The following GCFC2 variants were observed in gnomAD, a reference collection of about 807,000 sequenced individuals.
The protein encoded by GCFC2 is intron Large complex component GCFC2.
Under a neutral mutation model 99.4 loss-of-function variants are expected in GCFC2, and 102 were observed. That is an observed-to-expected ratio of 1.03 (90% CI 0.87 to 1.21). The LOEUF is 1.21. Ranked by LOEUF, GCFC2 falls within the 50% of genes most tolerant of loss-of-function variation. The probability of loss-of-function intolerance (pLI) is 0.00; values close to 1 mark genes in which losing one functional copy is unlikely to be tolerated. For missense variants in GCFC2, 973 were observed against 920.9 expected, an observed-to-expected ratio of 1.06 and a Z score of -0.73; for synonymous variants, 338 against 316.8, an observed-to-expected ratio of 1.07 and a Z score of -0.71.
chr2:75,675,806 G>A (rs1679311255), intron 12 of GCFC2, among the ~76,000 whole-genome samples: 1 of 150,280 alleles, frequency 6.7e-6, no homozygotes, highest in South Asian at 2.1e-4. Flanking sequence ...TTTTAAAACC[G>A]TGAGATATTA....
chr2:75,665,107 G>C (rs1051938735), intron 16 of GCFC2, among the ~76,000 whole-genome samples: 1 of 152,040 alleles, frequency 6.6e-6, no homozygotes, highest in African/African-American at 2.4e-5. Flanking sequence ...GCAATGGTGG[G>C]AGTATATTCA....
At chr2:75,706,761 T>C (rs572403897) in intron 1 of GCFC2, 110 bp from the exon 2 acceptor site, 21 of 618,336 alleles carry the variant, frequency 3.4e-5, no homozygotes, top group African/African-American at 3.1e-4. Context: ...TTAATCCTAG[T>C]CCATATATTA....
rs944239147 is a variant in GCFC2 at position 75,690,180 on chromosome 2, T to C, written c.1227-99A>G. On this transcript the variant is annotated intron_variant, in intron 8 of 16. Transcript: ENST00000321027. ...TTAACCTCTTGCTGAAAATAAGTAATTTTATCATTTATTTTAAATGGCCAG... is the reference window on the plus strand; with the variant it reads ...TTAACCTCTTGCTGAAAATAAGTAACTTTATCATTTATTTTAAATGGCCAG... The C allele has an allele frequency of 5.2e-5, 36 of 690,420 alleles. No homozygotes were observed. In the Admixed American group the frequency reaches 8.6e-4, roughly 16 times the overall value. The allele number at this position is 690,420 out of a possible 1,614,324, so 42.8% of individuals were successfully genotyped here. A position where few individuals can be genotyped will look rare whatever the true frequency, so the allele number is the denominator to read the frequency against.
At position 75,702,370 on chromosome 2, in the gene GCFC2, C is replaced by A; in HGVS notation, c.448G>T (p.Ala150Ser). ...GAAATATAGTCATCTTGGGCCCTGG[C>A]CAATTCACGTTTTCTGCGGGCTGCC... ...IQAARRKREL[A>S]RAQDDYISLD... The change falls in exon 3 of 17, where the codon GCC (alanine) becomes TCC (serine). Residue 150 changes from alanine to serine, a missense_variant. By Grantham distance (99) the Ala-to-Ser change is moderately conservative (BLOSUM62 1). Transcript: ENST00000321027. The A allele has an allele frequency of 1.2e-6, 2 of 1,612,162 alleles. No homozygotes were observed. Among genetic ancestry groups the A allele is most frequent in the Non-Finnish European group, 1.7e-6 (2 of 1,178,222 alleles).
At chr2:75,665,371 C>T (rs1020777191) in intron 16 of GCFC2, among the ~76,000 whole-genome samples, 8 of 152,072 alleles carry the variant, frequency 5.3e-5, no homozygotes, top group African/African-American at 1.9e-4. Flanking sequence ...CCAGGCTGTT[C>T]TCAAACTCCT....
At chr2:75,689,338 A>G in intron 9 of GCFC2, 113 bp from the exon 10 acceptor site, 1 of 575,016 alleles carries the variant, frequency 1.7e-6, no homozygotes, top group Non-Finnish European at 3.0e-6. Context: ...TTGTCCTTTT[A>G]TATTAATATA....
At chr2:75,703,086 A>AT (rs1001253840) in intron 2 of GCFC2, among the ~76,000 whole-genome samples, 5 of 151,970 alleles carry the variant, frequency 3.3e-5, no homozygotes, top group Non-Finnish European at 7.4e-5. Context: ...AGAGAGTCTT[A>AT]TTTTTTTTCT....
At chr2:75,704,833 G>A (rs1403896396) in intron 2 of GCFC2, among the ~76,000 whole-genome samples, 2 of 152,016 alleles carry the variant, frequency 1.3e-5, no homozygotes, top group Non-Finnish European at 2.9e-5. Context: ...ATGCCACCAT[G>A]CCTGGCTAAT....
chr2:75,688,395 T>C (rs1373232310), intron 10 of GCFC2, among the ~76,000 whole-genome samples: 1 of 152,198 alleles, frequency 6.6e-6, no homozygotes, highest in Non-Finnish European at 1.5e-5. Flanking sequence ...TAAGCATAAA[T>C]ATGTAATTTG....
chr2:75,681,239 T>G (rs1679562128), intron 11 of GCFC2, among the ~76,000 whole-genome samples: 1 of 152,076 alleles, frequency 6.6e-6, no homozygotes, highest in South Asian at 2.1e-4. Context: ...CCAGTTCATC[T>G]CATTGGGCCT....
At chr2:75,680,010 AT>A (rs76432157) in intron 12 of GCFC2, among the ~76,000 whole-genome samples, 182 bp downstream of exon 12, 8,878 of 151,852 alleles carry the variant, frequency 0.058, 478 homozygotes, top group East Asian at 0.15. Context: ...AGTTTAAAAA[AT>A]TTTTTTTTCA....
chr2:75,675,697 T>C (rs1020004368), intron 12 of GCFC2, among the ~76,000 whole-genome samples: 5 of 145,784 alleles, frequency 3.4e-5, no homozygotes, highest in Non-Finnish European at 5.9e-5. Flanking sequence ...TGAGCTGAGA[T>C]TGCACCACTG....
intron 13 of GCFC2, among the ~76,000 whole-genome samples, chr2:75,673,121 T>A (rs947701848): frequency 6.6e-6 from 1 of 151,734 alleles, no homozygotes; most frequent in Non-Finnish European, 1.5e-5. Flanking sequence ...CCATCCTGGC[T>A]AACATGGTGA....
At chr2:75,698,656 GA>G (rs1164516608) in intron 4 of GCFC2, among the ~76,000 whole-genome samples, 1 of 152,082 alleles carries the variant, frequency 6.6e-6, no homozygotes, top group Non-Finnish European at 1.5e-5. Context: ...ATTTTTTAGG[GA>G]AAAACCGTAA....
At chr2:75,666,136 G>T in intron 15 of GCFC2, 83 bp from the exon 16 acceptor site, 3 of 971,496 alleles carry the variant, frequency 3.1e-6, no homozygotes, top group African/African-American at 1.7e-5. Flanking sequence ...GATACTGTAA[G>T]CTGAGTATCA....
At chr2:75,675,142 T>C (rs558604650) in intron 12 of GCFC2, among the ~76,000 whole-genome samples, 14 of 152,336 alleles carry the variant, frequency 9.2e-5, no homozygotes, top group Admixed American at 6.5e-4. Context: ...AGGACATTAT[T>C]GAATCAACTG....
rs1367111701 is a variant in GCFC2, at chr2:75,687,927, T to C, written c.1590A>G (p.Glu530=). The C allele has an allele frequency of 6.2e-6, 10 of 1,602,708 alleles. No individual in the cohort carries two copies. Among genetic ancestry groups the C allele is most frequent in the African/African-American group, 1.3e-5 (1 of 74,412 alleles). ...KEMPWFKSVE[E]FMDSSVEDSK... The stretch of plus-strand genomic sequence containing the variant: ...AATCTTCCACACTGCTATCCATAAA[T>C]TCTTCTACAGATTTGAACCATGGCA... Residue 530 remains glutamate, a synonymous_variant, in exon 11 of 17, where the codon GAA becomes GAG. Transcript: ENST00000321027.
chr2:75,682,506 G>A (rs1679627616), intron 11 of GCFC2, among the ~76,000 whole-genome samples: 1 of 151,794 alleles, frequency 6.6e-6, no homozygotes, highest in South Asian at 2.1e-4. Context: ...AGTGCAAAAA[G>A]GCTGAAAATT....
At chr2:75,694,544 T>C (rs531631414) in intron 5 of GCFC2, 117 bp from the exon 6 acceptor site, 14 of 422,338 alleles carry the variant, frequency 3.3e-5, no homozygotes, top group Non-Finnish European at 4.5e-5. Flanking sequence ...TCTGGGTTTA[T>C]AGACTAGATA....
Sources: allele counts gnomAD v4.1 joint callset (sites outside exome capture counted in the v4.1 genomes callset), GRCh38; gene constraint gnomAD v4.1.1; transcripts MANE v1.5; gene names NCBI Gene and HGNC (gene_info 2026-07-23, HGNC 2026-07-21).